Variants in LSAMP observed in about 807,000 individuals in gnomAD.
LSAMP encodes limbic system-associated membrane protein.
LSAMP carries 7 observed loss-of-function variants against 38.6 expected under a neutral mutation model. The ratio of observed to expected loss-of-function variants is 0.18; its 90% CI spans 0.10 to 0.34. LSAMP has a LOEUF of 0.34. LSAMP is among the 10% of genes least tolerant of loss of function. The pLI is 1.00. For missense variants in LSAMP, 313 were observed against 420.0 expected (o/e 0.75, Z 2.23); for synonymous variants, 154 against 166.8 (o/e 0.92, Z 0.59).
intron 1 of LSAMP, among the ~76,000 whole-genome samples, chr3:116,285,916 T>C (rs913010237): frequency 4.6e-5 from 7 of 152,176 alleles, no homozygotes; most frequent in African/African-American, 7.2e-5. Flanking sequence ...GGTAGTTTCA[T>C]TGGGGAAGAG....
intron 6 of LSAMP, among the ~76,000 whole-genome samples, chr3:115,838,690 C>T (rs1934877947): frequency 6.6e-6 from 1 of 152,170 alleles, no homozygotes. Flanking sequence ...GAAAGGAATG[C>T]TTCCACCAGC....
intron 1 of LSAMP, among the ~76,000 whole-genome samples, chr3:116,229,281 G>A (rs1413556809): frequency 1.3e-5 from 2 of 152,038 alleles, no homozygotes; most frequent in Non-Finnish European, 2.9e-5. Flanking sequence ...AAATCTAGAA[G>A]TCATAATATA....
intron 1 of LSAMP, among the ~76,000 whole-genome samples, chr3:116,183,692 A>C (rs1341905396): frequency 6.6e-6 from 1 of 151,870 alleles, no homozygotes; most frequent in Non-Finnish European, 1.5e-5. Context: ...TATAGGGGTC[A>C]TCTTTATATT....
chr3:116,402,134 T>C (rs2048848337), intron 1 of LSAMP, among the ~76,000 whole-genome samples: 1 of 152,210 alleles, frequency 6.6e-6, no homozygotes, highest in Non-Finnish European at 1.5e-5. Flanking sequence ...AACTGTGAAA[T>C]AGCTGATATT....
rs185170341 is a variant in LSAMP at position 116,310,999 on chromosome 3, C to T, written c.155+133878G>A. ...CTAGGTTACCTGAAAGATCATACTACGTAGTTTTATAGAGAAGTTTGTCAA... is the reference window on the plus strand; with the variant it reads ...CTAGGTTACCTGAAAGATCATACTATGTAGTTTTATAGAGAAGTTTGTCAA... On this transcript the variant is annotated intron_variant, in intron 1 of 6. Transcript: ENST00000490035. 6.5e-4 allele frequency among the ~76,000 whole-genome samples: 98 copies of T among 149,766 alleles called. 1 individual carries two copies. The highest frequency in any genetic ancestry group is 2.1e-4 in the South Asian group (1 of 4,732).
At chr3:116,349,187 G>T (rs1252249380) in intron 1 of LSAMP, among the ~76,000 whole-genome samples, 1 of 151,946 alleles carries the variant, frequency 6.6e-6, no homozygotes, top group Non-Finnish European at 1.5e-5. Flanking sequence ...TTATTATTAT[G>T]CTTTAGAAAT....
At chr3:115,981,713 T>A (rs1939365400) in intron 3 of LSAMP, among the ~76,000 whole-genome samples, 2 of 152,152 alleles carry the variant, frequency 1.3e-5, no homozygotes, top group Admixed American at 1.3e-4. Flanking sequence ...TGTCCCATGT[T>A]CTCTTGCAGA....
intron 3 of LSAMP, among the ~76,000 whole-genome samples, chr3:115,944,651 T>G (rs1938036524): frequency 6.6e-6 from 1 of 152,222 alleles, no homozygotes; most frequent in African/African-American, 2.4e-5. Flanking sequence ...ATCTTAGTTA[T>G]TAATTGCAAT....
At chr3:115,993,132 G>A (rs1939719771) in intron 3 of LSAMP, among the ~76,000 whole-genome samples, 1 of 152,110 alleles carries the variant, frequency 6.6e-6, no homozygotes, top group Admixed American at 6.6e-5. Flanking sequence ...TTATTTGTAA[G>A]TCAAATGTTT....
chr3:116,103,843 T>C (rs1488871563), intron 1 of LSAMP, among the ~76,000 whole-genome samples: 1 of 152,128 alleles, frequency 6.6e-6, no homozygotes, highest in Non-Finnish European at 1.5e-5. Flanking sequence ...TGCACAAAAA[T>C]CCTACGGGTA....
intron 1 of LSAMP, among the ~76,000 whole-genome samples, chr3:116,327,209 C>T (rs778276725): frequency 2.6e-5 from 4 of 152,294 alleles, no homozygotes; most frequent in East Asian, 3.9e-4. Flanking sequence ...GTGGATAACA[C>T]TGAGTAACAG....
rs150833846 is a variant in LSAMP, at chr3:115,839,411, C to T, written c.919+2434G>A. 9.3e-4 allele frequency among the ~76,000 whole-genome samples: 141 copies of T among 151,814 alleles called. 3 individuals carry two copies. Among genetic ancestry groups the T allele is most frequent in the African/African-American group, 3.3e-3 (135 of 41,384 alleles). On this transcript the variant is annotated intron_variant, in intron 6 of 6. Coordinates refer to ENST00000490035, the MANE Select transcript of LSAMP (RefSeq NM_002338.5). ...AAAGTTCTAGCTATGCAGGTTGTAA[C>T]AATAGACCTCCCAAAACTAACTGGT... is the stretch of plus-strand genomic sequence containing the variant.
chr3:116,426,987 T>G (rs1168755668), intron 1 of LSAMP, among the ~76,000 whole-genome samples: 1 of 152,154 alleles, frequency 6.6e-6, no homozygotes, highest in Non-Finnish European at 1.5e-5. Context: ...TGATTTATTC[T>G]ATTTATTGTG....
chr3:116,033,576 A>C (rs1358165366), intron 2 of LSAMP, among the ~76,000 whole-genome samples: 1 of 152,106 alleles, frequency 6.6e-6, no homozygotes, highest in Non-Finnish European at 1.5e-5. Context: ...AGGAGAGCTG[A>C]TCAATTCTCA....
At chr3:116,411,644 G>A (rs955236770) in intron 1 of LSAMP, among the ~76,000 whole-genome samples, 1 of 103,644 alleles carries the variant, frequency 9.6e-6, no homozygotes, top group South Asian at 4.2e-4. Flanking sequence ...GGGGAGGGGG[G>A]AGGGATAGCA....
chr3:116,415,869 A>G (rs2049042644), intron 1 of LSAMP, among the ~76,000 whole-genome samples: 2 of 152,122 alleles, frequency 1.3e-5, no homozygotes, highest in South Asian at 4.1e-4. Context: ...GAAGGCCAGC[A>G]GTGTAGTTAG....
intron 3 of LSAMP, among the ~76,000 whole-genome samples, chr3:115,934,080 T>G (rs777096039): frequency 6.6e-6 from 1 of 152,206 alleles, no homozygotes; most frequent in East Asian, 1.9e-4. Context: ...ACCTTGCAAC[T>G]CAAAAGCTTA....
chr3:115,961,033 A>G (rs1938609212), intron 3 of LSAMP, among the ~76,000 whole-genome samples: 4 of 152,172 alleles, frequency 2.6e-5, no homozygotes, highest in Admixed American at 2.0e-4. Context: ...CCTGTCTGCC[A>G]TCAATCCCCG....
At chr3:116,215,476 G>T (rs1048779129) in intron 1 of LSAMP, among the ~76,000 whole-genome samples, 4 of 151,980 alleles carry the variant, frequency 2.6e-5, no homozygotes, top group Non-Finnish European at 5.9e-5. Flanking sequence ...AGAAAGAAAA[G>T]AGCTGCCTAG....
Sources: allele counts gnomAD v4.1 joint callset (sites outside exome capture counted in the v4.1 genomes callset), GRCh38; gene constraint gnomAD v4.1.1; transcripts MANE v1.5; gene names NCBI Gene and HGNC (gene_info 2026-07-23, HGNC 2026-07-21).